The following TRPC7 variants were observed in gnomAD, a reference collection of about 807,000 sequenced individuals.
TRPC7 encodes the protein transient receptor potential cation channel subfamily C member 7.
In TRPC7, 42 loss-of-function variants were observed where a neutral mutation model predicts 90.1. The observed-to-expected ratio is 0.47, with a 90% CI of 0.36 to 0.60. The LOEUF (loss-of-function observed/expected upper bound fraction) is 0.60. Among genes scored for constraint, TRPC7 ranks in the 20% least tolerant of loss-of-function variants. TRPC7 has a pLI of 0.00. For synonymous variants in TRPC7, 451 were observed against 436.3 expected (o/e 1.03, Z -0.42); for missense variants, 955 against 1,112.3 (o/e 0.86, Z 2.01).
intron 7 of TRPC7, among the ~76,000 whole-genome samples, chr5:136,245,862 G>A (rs900773359): frequency 1.3e-5 from 2 of 152,036 alleles, no homozygotes; most frequent in Admixed American, 6.6e-5. Context: ...TTTTATAGAC[G>A]AGGACACAGA....
chr5:136,285,249 T>A (rs761834218), intron 3 of TRPC7, among the ~76,000 whole-genome samples: 11 of 152,190 alleles, frequency 7.2e-5, no homozygotes, highest in Non-Finnish European at 1.6e-4. Context: ...TTTAGAAATA[T>A]GGGCCAGATA....
At chr5:136,218,112 G>T (rs971264552) in intron 10 of TRPC7, among the ~76,000 whole-genome samples, 40 of 141,954 alleles carry the variant, frequency 2.8e-4, no homozygotes, top group African/African-American at 1.0e-3. Context: ...ATATATTTGA[G>T]ATATATTATA....
intron 3 of TRPC7, among the ~76,000 whole-genome samples, chr5:136,289,908 A>G (rs1036957074): frequency 6.6e-5 from 10 of 152,200 alleles, no homozygotes; most frequent in Non-Finnish European, 1.5e-4. Flanking sequence ...GGGTGGATTG[A>G]CACCTCACAC....
At chr5:136,285,743 G>A (rs535180180) in intron 3 of TRPC7, among the ~76,000 whole-genome samples, 2 of 152,314 alleles carry the variant, frequency 1.3e-5, no homozygotes, top group African/African-American at 4.8e-5. Flanking sequence ...CTGGACAAGA[G>A]GCCAGATGAA....
chr5:136,264,457 A>G (rs1254580817), intron 5 of TRPC7, among the ~76,000 whole-genome samples: 1 of 152,212 alleles, frequency 6.6e-6, no homozygotes, highest in East Asian at 1.9e-4. Context: ...CGTATGTACT[A>G]GGGAGAACTG....
intron 10 of TRPC7, among the ~76,000 whole-genome samples, chr5:136,219,009 C>A (rs1243987799): frequency 6.6e-6 from 1 of 152,196 alleles, no homozygotes; most frequent in African/African-American, 2.4e-5. Flanking sequence ...TTCATCTGAG[C>A]ATCAAAACAA....
chr5:136,295,957 C>T (rs182306231), intron 3 of TRPC7, among the ~76,000 whole-genome samples: 2 of 152,326 alleles, frequency 1.3e-5, no homozygotes, highest in African/African-American at 2.4e-5. Flanking sequence ...AACCTTACCA[C>T]TAGAACTGTA....
At chr5:136,265,266 G>C (rs1264990999) in intron 5 of TRPC7, among the ~76,000 whole-genome samples, 1 of 152,094 alleles carries the variant, frequency 6.6e-6, no homozygotes, top group Non-Finnish European at 1.5e-5. Context: ...ATACCATTAA[G>C]CCAATTGAAT....
intron 2 of TRPC7, among the ~76,000 whole-genome samples, chr5:136,340,021 C>A (rs1759794905): frequency 6.6e-6 from 1 of 151,832 alleles, no homozygotes; most frequent in South Asian, 2.1e-4. Flanking sequence ...ATCTGCACTC[C>A]CATGTTAATT....
intron 1 of TRPC7, among the ~76,000 whole-genome samples, chr5:136,361,268 G>T (rs1008829416): frequency 6.6e-6 from 1 of 152,188 alleles, no homozygotes; most frequent in Non-Finnish European, 1.5e-5. Flanking sequence ...TTGAGATAAT[G>T]TGTGATTAAA....
chr5:136,312,326 G>A (rs1184254508), intron 3 of TRPC7, among the ~76,000 whole-genome samples: 4 of 152,100 alleles, frequency 2.6e-5, no homozygotes, highest in Admixed American at 2.6e-4. Context: ...GCATTCTCTG[G>A]GGAGATAACA....
chr5:136,291,316 TAA>T, intron 3 of TRPC7, among the ~76,000 whole-genome samples: 1 of 152,344 alleles, frequency 6.6e-6, no homozygotes, highest in East Asian at 1.9e-4. Context: ...GTAAATGGGC[TAA>T]ATGCTCCAAT....
At chr5:136,361,890 A>G (rs1760580355) in intron 1 of TRPC7, among the ~76,000 whole-genome samples, 1 of 152,162 alleles carries the variant, frequency 6.6e-6, no homozygotes, top group African/African-American at 2.4e-5. Flanking sequence ...GCCAAAATAA[A>G]GGGAGTAATA....
chr5:136,308,514 G>A (rs1027407231), intron 3 of TRPC7, among the ~76,000 whole-genome samples: 15 of 152,250 alleles, frequency 9.9e-5, no homozygotes, highest in African/African-American at 2.9e-4. Flanking sequence ...GGGCATGTGA[G>A]TGTCTGACTG....
intron 2 of TRPC7, among the ~76,000 whole-genome samples, chr5:136,349,468 C>A (rs1186243702): frequency 1.3e-5 from 2 of 152,178 alleles, no homozygotes; most frequent in African/African-American, 2.4e-5. Context: ...CTTCATGGAG[C>A]TCTCTGGTGA....
At chr5:136,300,189 CA>C (rs1413757350) in intron 3 of TRPC7, among the ~76,000 whole-genome samples, 1 of 152,192 alleles carries the variant, frequency 6.6e-6, no homozygotes, top group Non-Finnish European at 1.5e-5. Context: ...ATATCTTTTG[CA>C]AATTTACAGT....
rs758765325 is a variant in TRPC7, at chr5:136,357,277, G to T, written c.111C>A (p.Gly37=). 8.1e-6 allele frequency: 13 copies of T among 1,612,962 alleles called. No homozygotes were observed. The highest frequency in any genetic ancestry group is 1.0e-5 in the Non-Finnish European group (12 of 1,179,906). Residue 37 remains glycine, a synonymous_variant, in exon 2 of 12, where the codon GGC becomes GGA. Transcript: ENST00000513104. ...GCTCCTCCTCGGGCGTCAGACTGGT[G>T]CCCTTCTCGTTGAACATGTAGGCGG... ...RGPAYMFNEK[G]TSLTPEEERF...
intron 2 of TRPC7, among the ~76,000 whole-genome samples, chr5:136,334,371 T>A (rs1198947891): frequency 6.6e-6 from 1 of 152,190 alleles, no homozygotes; most frequent in Non-Finnish European, 1.5e-5. Flanking sequence ...AAGTAGCAAT[T>A]AAAAAATGTA....
In TRPC7 at chr5:136,251,781, C is replaced by T. The variant is rs769639606; in HGVS notation, c.1447G>A (p.Val483Met). 2.2e-5 allele frequency: 36 copies of T among 1,613,990 alleles called. No individual in the cohort carries two copies. Among genetic ancestry groups the T allele is most frequent in the South Asian group, 9.9e-5 (9 of 91,082 alleles). ...ATGAAGCGTGCTGTGAAGGAGGCCACGAAGATGGACAGCATCCCGAAATCT... is the reference window on the plus strand; with the variant it reads ...ATGAAGCGTGCTGTGAAGGAGGCCATGAAGATGGACAGCATCCCGAAATCT... ...LLDFGMLSIF[V>M]ASFTARFMAF... The change falls in exon 6 of 12, where the codon GTG (valine) becomes ATG (methionine). Residue 483 changes from valine to methionine, a missense_variant. Coordinates refer to ENST00000513104, the MANE Select transcript of TRPC7 (RefSeq NM_020389.3).
Sources: allele counts gnomAD v4.1 joint callset (sites outside exome capture counted in the v4.1 genomes callset), GRCh38; gene constraint gnomAD v4.1.1; transcripts MANE v1.5; gene names NCBI Gene and HGNC (gene_info 2026-07-23, HGNC 2026-07-21).